TRANK1: variants seen among roughly 807,000 people sequenced by gnomAD.
The protein encoded by TRANK1 is TPR and ankyrin repeat-containing protein 1.
Under a neutral mutation model 266.0 loss-of-function variants are expected in TRANK1, and 198 were observed. That is an observed-to-expected ratio of 0.74 (90% CI 0.66 to 0.84). TRANK1 has a LOEUF of 0.84. TRANK1 is among the 40% of genes least tolerant of loss of function. TRANK1 has a pLI of 0.00. For missense variants in TRANK1, 3,326 were observed against 3,634.6 expected (o/e 0.92, Z 2.18); for synonymous variants, 1,396 against 1,384.1 (o/e 1.01, Z -0.19).
At chr3:36,896,886 A>G (rs1226442507) in intron 4 of TRANK1, among the ~76,000 whole-genome samples, 1 of 152,062 alleles carries the variant, frequency 6.6e-6, no homozygotes, top group Non-Finnish European at 1.5e-5. Context: ...ACCAGCTACT[A>G]GGGAGGCTGA....
chr3:36,887,004 T>C (rs1006864688), intron 8 of TRANK1, among the ~76,000 whole-genome samples: 2 of 150,980 alleles, frequency 1.3e-5, no homozygotes, highest in African/African-American at 4.9e-5. Context: ...CTTCCTGGGT[T>C]CAAGCCATTC....
At chr3:36,909,146 A>G (rs1284289573) in intron 1 of TRANK1, among the ~76,000 whole-genome samples, 2 of 152,156 alleles carry the variant, frequency 1.3e-5, no homozygotes, top group African/African-American at 4.8e-5. Context: ...TGAGACAGCC[A>G]TTGCCTGCCT....
In TRANK1 at chr3:36,828,304, G is replaced by A. The variant is rs751361522; in HGVS notation, c.8881C>T (p.Arg2961Trp). 9.9e-6 allele frequency: 16 copies of A among 1,612,610 alleles called. No homozygotes were observed. In the Middle Eastern group the frequency reaches 6.6e-4, roughly 67 times the overall value. Reference sequence around the variant, plus strand: ...TATTTTCTCTGCTTTCCACATTTCCGAGAACGCCTTCTAGGCCGAAGCTCA... The same window carrying A: ...TATTTTCTCTGCTTTCCACATTTCCAAGAACGCCTTCTAGGCCGAAGCTCA... ...FGELRPRRRS[R>W]KCGKQRKY The change falls in exon 24 of 24, where the codon CGG (arginine) becomes TGG (tryptophan). Residue 2961 changes from arginine (R) to tryptophan (W), a missense_variant. Coordinates refer to ENST00000645898, the MANE Select transcript of TRANK1 (RefSeq NM_001329998.2).
chr3:36,869,472 T>TA lies in TRANK1; in HGVS notation c.1078+4653dup, dbSNP rs1256283816. On this transcript the variant is annotated intron_variant, in intron 9 of 23. Transcript: ENST00000645898. ...TGTAAAACAACTCAAATCCTAATGT[T>TA]ATTGTGCTCAGGACCATAGATGCAA... Among the ~76,000 whole-genome samples, 3 of 152,238 alleles carry TA rather than the reference T, an allele frequency of 2.0e-5. No homozygotes were observed. In the South Asian group the frequency reaches 6.2e-4, roughly 32 times the overall value.
At chr3:36,924,884 A>T (rs1233835815) in intron 1 of TRANK1, among the ~76,000 whole-genome samples, 2 of 152,206 alleles carry the variant, frequency 1.3e-5, no homozygotes, top group East Asian at 3.8e-4. Context: ...CCCAAACCCC[A>T]GTGGCCTTAA....
At chr3:36,873,064 T>A (rs1010050397) in intron 9 of TRANK1, among the ~76,000 whole-genome samples, 1 of 152,200 alleles carries the variant, frequency 6.6e-6, no homozygotes, top group African/African-American at 2.4e-5. Context: ...TAGATATCGA[T>A]GAACATACCA....
Position 36,833,466 on chromosome 3 carries a change from G to A in TRANK1, c.6117C>T (p.Ile2039=), listed in dbSNP as rs932562384. 2.5e-6 allele frequency: 4 copies of A among 1,613,894 alleles called. No individual in the cohort carries two copies. Among genetic ancestry groups the A allele is most frequent in the Non-Finnish European group, 2.5e-6 (3 of 1,179,828 alleles). The change falls in exon 22 of 24, where the codon ATC becomes ATT. Residue 2039 remains isoleucine (I), a synonymous_variant. Coordinates refer to ENST00000645898, the MANE Select transcript of TRANK1 (RefSeq NM_001329998.2). ...IAEAHFLQGV[I]LRDFQKLRDA... ...CCCTGAGCTTCTGAAAGTCTCTCAG[G>A]ATTACCCCTTGCAGGAAGTGGGCCT...
chr3:36,945,035 T>C lies in TRANK1; in HGVS notation c.-226A>G. On this transcript the variant is annotated 5_prime_UTR_variant, in exon 1 of 24. Transcript: ENST00000645898. ...CAGGAACCCCGGCGTCCGGGCGGTG[T>C]GCAGCCGCAGACCTATTCCAAGTTT... 2.1e-6 allele frequency: 1 copy of C among 470,816 alleles called. No individual in the cohort carries two copies. Among genetic ancestry groups the C allele is most frequent in the East Asian group, 3.6e-5 (1 of 27,398 alleles). 29.2% of individuals were successfully genotyped at this position (470,816 alleles called of 1,614,324 possible).
chr3:36,860,892 C>A lies in TRANK1; in HGVS notation c.1495+14G>T, dbSNP rs188337177. 336 of 1,536,770 alleles carry A rather than the reference C, an allele frequency of 2.2e-4. No individual in the cohort carries two copies. In the African/African-American group the frequency reaches 4.3e-3, roughly 20 times the overall value. On this transcript the variant is annotated intron_variant, in intron 11 of 23. Transcript: ENST00000645898. ...TGGACAAGTCTCCAACGCTTAGCAT[C>A]CAGTCACTCTCACCTCCACTGTCTA...
chr3:36,842,869 A>C (rs934335238), intron 17 of TRANK1, among the ~76,000 whole-genome samples, 159 bp from the exon 18 acceptor site: 2 of 152,210 alleles, frequency 1.3e-5, no homozygotes, highest in Non-Finnish European at 2.9e-5. Context: ...GGAGAGAGAT[A>C]GGGCCTTTAC....
At chr3:36,940,290 G>T (rs1197492550) in intron 1 of TRANK1, among the ~76,000 whole-genome samples, 3 of 150,876 alleles carry the variant, frequency 2.0e-5, no homozygotes, top group African/African-American at 7.3e-5. Context: ...GAGGTCAGGA[G>T]ATCGAGACCA....
At chr3:36,829,847 A>C (rs1022000880) in intron 22 of TRANK1, among the ~76,000 whole-genome samples, 185 bp from the exon 23 acceptor site, 17 of 152,122 alleles carry the variant, frequency 1.1e-4, no homozygotes, top group African/African-American at 3.9e-4. Context: ...ACTACAACTA[A>C]AGGCTAGCCT....
rs374767594 is a variant in TRANK1 at position 36,840,230 on chromosome 3, C to G, written c.5281-1514G>C. On this transcript the variant is annotated intron_variant, in intron 18 of 23. Coordinates refer to ENST00000645898, the MANE Select transcript of TRANK1 (RefSeq NM_001329998.2). ...CCTCCCTAACACCTAACCCCTGCCC[C>G]ACCAAAAAAAAAAAAAAAATTCTTG... Among the ~76,000 whole-genome samples the G allele has an allele frequency of 3.5e-4, 52 of 147,576 alleles. 1 individual carries two copies. The highest frequency in any genetic ancestry group is 1.3e-3 in the African/African-American group (51 of 40,046).
At chr3:36,938,115 C>T (rs774276431) in intron 1 of TRANK1, among the ~76,000 whole-genome samples, 2 of 152,210 alleles carry the variant, frequency 1.3e-5, no homozygotes, top group African/African-American at 2.4e-5. Context: ...TCCCCGTAGA[C>T]AAAACAATCT....
At chr3:36,891,157 T>C (rs2125604335) in intron 7 of TRANK1, among the ~76,000 whole-genome samples, 1 of 152,248 alleles carries the variant, frequency 6.6e-6, no homozygotes, top group Admixed American at 6.5e-5. Flanking sequence ...CTGGCCAACA[T>C]GGTGAAACCC....
chr3:36,842,568 T>C (rs779906928), intron 18 of TRANK1, 54 bp downstream of exon 18: 42 of 1,503,654 alleles, frequency 2.8e-5, no homozygotes, highest in Non-Finnish European at 3.6e-5. Flanking sequence ...AACCTGCCTG[T>C]GAGGTCTGAC....
chr3:36,924,213 T>TAC (rs2080256962), intron 1 of TRANK1, among the ~76,000 whole-genome samples: 1 of 152,166 alleles, frequency 6.6e-6, no homozygotes, highest in Non-Finnish European at 1.5e-5. Context: ...CCAGAGTGAG[T>TAC]ACCTGGACTG....
At chr3:36,840,488 C>T (rs1007432452) in intron 18 of TRANK1, among the ~76,000 whole-genome samples, 1 of 152,242 alleles carries the variant, frequency 6.6e-6, no homozygotes, top group African/African-American at 2.4e-5. Flanking sequence ...TCCACACCCC[C>T]TTACAGTGTA....
intron 1 of TRANK1, among the ~76,000 whole-genome samples, chr3:36,930,523 TC>T (rs1272665996): frequency 2.6e-5 from 4 of 152,186 alleles, no homozygotes. Flanking sequence ...TTGTGGTCAT[TC>T]ATTATGGCAG....
Sources: allele counts gnomAD v4.1 joint callset (sites outside exome capture counted in the v4.1 genomes callset), GRCh38; gene constraint gnomAD v4.1.1; transcripts MANE v1.5; gene names NCBI Gene and HGNC (gene_info 2026-07-23, HGNC 2026-07-21).